The following PDE8A variants were observed in gnomAD, a reference collection of about 807,000 sequenced individuals.
PDE8A encodes phosphodiesterase 8A.
A neutral mutation model predicts 105.0 loss-of-function variants in PDE8A; 59 were observed. That is an observed-to-expected ratio of 0.56 (90% CI 0.46 to 0.70). The LOEUF is 0.70. Ranked by LOEUF, PDE8A falls within the 30% of genes least tolerant of loss-of-function variation. The pLI is 0.00. For missense variants in PDE8A, 1,014 were observed against 1,045.9 expected (o/e 0.97, Z 0.42); for synonymous variants, 355 against 371.9 (o/e 0.95, Z 0.52).
intron 1 of PDE8A, among the ~76,000 whole-genome samples, chr15:85,015,184 G>C (rs1029522951): frequency 4.0e-4 from 61 of 151,928 alleles, no homozygotes; most frequent in African/African-American, 1.5e-3. Flanking sequence ...AGCTCATGTT[G>C]GTGAACATTT....
At chr15:85,037,748 T>C (rs1318782463) in intron 1 of PDE8A, among the ~76,000 whole-genome samples, 1 of 151,870 alleles carries the variant, frequency 6.6e-6, no homozygotes, top group Non-Finnish European at 1.5e-5. Context: ...AAAGAGGAAA[T>C]GATATCAGCA....
intron 1 of PDE8A, among the ~76,000 whole-genome samples, chr15:85,001,639 C>T (rs930112328): frequency 6.6e-6 from 1 of 152,182 alleles, no homozygotes; most frequent in African/African-American, 2.4e-5. Context: ...GAAGTGGCTT[C>T]ACCTTGTTGG....
At chr15:85,114,430 G>C (rs2082064540) in intron 14 of PDE8A, among the ~76,000 whole-genome samples, 1 of 152,182 alleles carries the variant, frequency 6.6e-6, no homozygotes, top group African/African-American at 2.4e-5. Context: ...AATGGTGCCG[G>C]GGGTGCAACA....
rs762317789 is a variant in PDE8A, at chr15:85,067,215, G to T, written c.434+11G>T. Reference sequence around the variant, plus strand: ...AGAGGCACTGTGCAGGTAAGCCCAAGACTCGGGCCTAAATAGTCCCATTGG... The same window carrying T: ...AGAGGCACTGTGCAGGTAAGCCCAATACTCGGGCCTAAATAGTCCCATTGG... On this transcript the variant is annotated intron_variant, in intron 3 of 21. Transcript: ENST00000394553. 1 of 1,605,998 alleles carries T rather than the reference G, an allele frequency of 6.2e-7. No homozygotes were observed. Among genetic ancestry groups the T allele is most frequent in the East Asian group, 2.2e-5 (1 of 44,722 alleles).
Position 85,083,635 on chromosome 15 carries a change from T to G in PDE8A, c.626T>G (p.Leu209Arg). The G allele has an allele frequency of 6.2e-7, 1 of 1,609,424 alleles. No homozygotes were observed. The highest frequency in any genetic ancestry group is 8.5e-7 in the Non-Finnish European group (1 of 1,175,888). ...GAGTTTGGAGAGGTGCGATCACAAC[T>G]GAAACTCAGGTAATTCTACCACTTC... ...QLEFGEVRSQ[L>R]KLRACNSVFT... is the part of the protein sequence containing the mutation. Residue 209 changes from leucine (L) to arginine (R), a missense_variant, in exon 6 of 22, where the codon CTG becomes CGG. Physicochemically the swap from Leu to Arg is moderately radical, Grantham distance 102 (BLOSUM62 -2). Coordinates refer to ENST00000394553, the MANE Select transcript of PDE8A (RefSeq NM_002605.3).
chr15:85,116,946 A>T (rs1024058770), intron 16 of PDE8A, among the ~76,000 whole-genome samples: 1 of 152,224 alleles, frequency 6.6e-6, no homozygotes, highest in Non-Finnish European at 1.5e-5. Context: ...CATTACATCC[A>T]TGTGAATTGG....
At chr15:85,121,580 G>A (rs1013382927) in intron 18 of PDE8A, among the ~76,000 whole-genome samples, 4 of 151,686 alleles carry the variant, frequency 2.6e-5, no homozygotes, top group Admixed American at 6.6e-5. Flanking sequence ...CTGTGCCCTC[G>A]GTGCCCTCAG....
chr15:85,075,878 A>G lies in PDE8A; in HGVS notation c.451A>G (p.Lys151Glu). 7 of 1,569,274 alleles carry G rather than the reference A, an allele frequency of 4.5e-6. No individual in the cohort carries two copies. In the East Asian group the frequency reaches 1.1e-4, roughly 25 times the overall value. ...EALCRSIRSSKLSENTVIVGV... is the reference protein window; with the variant it reads ...EALCRSIRSSELSENTVIVGV... ...TTTTTTAAGGTCTATCAGATCATCA[A>G]AACTCTCAGAAAACACAGTTATTGT... is the stretch of plus-strand genomic sequence containing the variant. The change falls in exon 4 of 22, where the codon AAA (lysine) becomes GAA (glutamate). Residue 151 changes from lysine to glutamate, a missense_variant. Transcript: ENST00000394553.
chr15:84,993,161 C>T (rs926759479), intron 1 of PDE8A, among the ~76,000 whole-genome samples: 19 of 152,162 alleles, frequency 1.2e-4, no homozygotes, highest in Admixed American at 3.9e-4. Context: ...GAACAAGGAT[C>T]GGCTGGGCGT....
intron 6 of PDE8A, among the ~76,000 whole-genome samples, chr15:85,087,626 GA>G (rs1328292994): frequency 6.6e-6 from 1 of 152,060 alleles, no homozygotes; most frequent in Non-Finnish European, 1.5e-5. Flanking sequence ...CTTATACAAG[GA>G]AAAAACCTGG....
chr15:85,042,603 T>C (rs1282723352), intron 1 of PDE8A, among the ~76,000 whole-genome samples: 2 of 152,216 alleles, frequency 1.3e-5, no homozygotes, highest in African/African-American at 4.8e-5. Flanking sequence ...AAACTCACTT[T>C]CTACCCAAAG....
intron 1 of PDE8A, among the ~76,000 whole-genome samples, chr15:84,989,484 G>C (rs2079852890): frequency 6.6e-6 from 1 of 152,194 alleles, no homozygotes; most frequent in South Asian, 2.1e-4. Context: ...CAGTTCCCAG[G>C]TTGTCTGCAA....
intron 8 of PDE8A, among the ~76,000 whole-genome samples, chr15:85,093,801 C>A (rs571062689): frequency 3.2e-4 from 49 of 152,260 alleles, no homozygotes; most frequent in African/African-American, 1.2e-3. Context: ...GGCTTTAGAA[C>A]CCATAGTCTC....
At chr15:85,115,332 G>A in intron 14 of PDE8A, 107 bp from the exon 15 acceptor site, 1 of 694,230 alleles carries the variant, frequency 1.4e-6, no homozygotes, top group Non-Finnish European at 2.5e-6. Flanking sequence ...GAGTGCATTG[G>A]TGGAGAGGGC....
In PDE8A at chr15:85,138,819, A is replaced by G. The variant is rs553391448; in HGVS notation, c.*916A>G. ...TCGCAAAGAAAAGTTAGGACTTAACACTTTTTTCTAAAATTTTATAATTCA... is the reference window on the plus strand; with the variant it reads ...TCGCAAAGAAAAGTTAGGACTTAACGCTTTTTTCTAAAATTTTATAATTCA... On this transcript the variant is annotated 3_prime_UTR_variant, in exon 22 of 22. Coordinates refer to ENST00000394553, the MANE Select transcript of PDE8A (RefSeq NM_002605.3). The G allele has an allele frequency of 7.2e-5, 11 of 152,246 alleles. No individual in the cohort carries two copies. The highest frequency in any genetic ancestry group is 2.7e-4 in the African/African-American group (11 of 41,464). 9.4% of individuals were successfully genotyped at this position (152,246 alleles called of 1,614,324 possible). A position where few individuals can be genotyped will look rare whatever the true frequency, so the allele number is the denominator to read the frequency against.
At chr15:85,122,114 C>T (rs2082192015) in intron 18 of PDE8A, among the ~76,000 whole-genome samples, 1 of 152,128 alleles carries the variant, frequency 6.6e-6, no homozygotes, top group Non-Finnish European at 1.5e-5. Context: ...GGAAGCCTTC[C>T]CTGATCTCTC....
chr15:84,995,634 A>C (rs1299444768), intron 1 of PDE8A, among the ~76,000 whole-genome samples: 1 of 152,170 alleles, frequency 6.6e-6, no homozygotes, highest in Non-Finnish European at 1.5e-5. Context: ...GTACTTTTAT[A>C]TAAGACTTCT....
intron 2 of PDE8A, among the ~76,000 whole-genome samples, chr15:85,064,898 G>C (rs986073043): frequency 6.6e-6 from 1 of 152,080 alleles, no homozygotes; most frequent in Non-Finnish European, 1.5e-5. Flanking sequence ...CCTGAGCCCG[G>C]GAGGTCAAGG....
intron 2 of PDE8A, among the ~76,000 whole-genome samples, chr15:85,066,229 ATCTTTGTTGAG>A (rs2141456507): frequency 6.6e-6 from 1 of 152,280 alleles, no homozygotes; most frequent in East Asian, 1.9e-4. Context: ...GCTTAACTAA[ATCTTTGTTGAG>A]TTCTGCCAGT....
Sources: gnomAD v4.1 joint callset for allele counts (sites outside exome capture counted in the v4.1 genomes callset) on GRCh38, gnomAD v4.1.1 for gene constraint, MANE v1.5 for transcripts, NCBI Gene and HGNC (gene_info 2026-07-23, HGNC 2026-07-21) for gene names.